Variants in GRID2 observed in about 807,000 individuals in gnomAD.
The protein encoded by GRID2 is glutamate receptor ionotropic, delta-2.
A neutral mutation model predicts 114.8 loss-of-function variants in GRID2; 33 were observed. That is an observed-to-expected ratio of 0.29 (90% CI 0.22 to 0.38). The LOEUF (loss-of-function observed/expected upper bound fraction) is 0.38. Among genes scored for constraint, GRID2 ranks in the 10% least tolerant of loss-of-function variants. The pLI, the probability that GRID2 is intolerant of heterozygous loss-of-function variation, is 1.00. For synonymous variants in GRID2, 505 were observed against 449.9 expected (o/e 1.12, Z -1.55); for missense variants, 1,184 against 1,257.7 (o/e 0.94, Z 0.89).
At position 93,614,183 on chromosome 4, in the gene GRID2, G is replaced by A. The variant is rs561366322; in HGVS notation, c.2194-12086G>A. ...CCCTGCTTCAGCTCGCGCACGGTGC[G>A]TGCACCCACTGGCCTGCGCCCACTG... On this transcript the variant is annotated intron_variant, in intron 13 of 15. Transcript: ENST00000282020. Among the ~76,000 whole-genome samples the A allele has an allele frequency of 3.5e-3, 531 of 152,272 alleles. 5 individuals carry two copies. The highest frequency in any genetic ancestry group is 0.011 in the African/African-American group (471 of 41,564).
At chr4:93,222,113 C>T (rs552265358) in intron 6 of GRID2, among the ~76,000 whole-genome samples, 1 of 151,986 alleles carries the variant, frequency 6.6e-6, no homozygotes, top group Non-Finnish European at 1.5e-5. Context: ...CAAATATGTG[C>T]GAGGCTCTAG....
intron 14 of GRID2, among the ~76,000 whole-genome samples, chr4:93,698,190 A>C (rs1014285188): frequency 6.6e-6 from 1 of 151,996 alleles, no homozygotes; most frequent in Non-Finnish European, 1.5e-5. Context: ...AAATTATAGA[A>C]ATCGCTGTGA....
chr4:92,720,533 A>C (rs560809070), intron 2 of GRID2, among the ~76,000 whole-genome samples: 1 of 151,636 alleles, frequency 6.6e-6, no homozygotes, highest in East Asian at 1.9e-4. Flanking sequence ...ACTCCATCTC[A>C]AATAAATAAA....
chr4:92,381,983 C>CT (rs1729641184), intron 1 of GRID2, among the ~76,000 whole-genome samples: 1 of 151,546 alleles, frequency 6.6e-6, no homozygotes. Flanking sequence ...ATTTTTCCCC[C>CT]TAAGTGGAAA....
chr4:92,871,221 T>C (rs539791373), intron 2 of GRID2, among the ~76,000 whole-genome samples: 176 of 152,244 alleles, frequency 1.2e-3, no homozygotes, highest in Admixed American at 2.4e-3. Context: ...ATTTTTTTGT[T>C]TTATAATTGT....
intron 4 of GRID2, among the ~76,000 whole-genome samples, chr4:93,146,861 A>T (rs183382475): frequency 6.6e-6 from 1 of 152,300 alleles, no homozygotes; most frequent in East Asian, 1.9e-4. Context: ...TTGCTCACTT[A>T]AAAAATATTG....
intron 14 of GRID2, among the ~76,000 whole-genome samples, chr4:93,652,758 T>C (rs1464167837): frequency 1.8e-5 from 2 of 111,890 alleles, no homozygotes; most frequent in Admixed American, 1.2e-4. Flanking sequence ...ATACAGTCGA[T>C]GAATGACAGT....
intron 2 of GRID2, among the ~76,000 whole-genome samples, chr4:93,000,945 CTAAAA>C (rs1334471941): frequency 3.3e-5 from 5 of 150,482 alleles, no homozygotes; most frequent in South Asian, 2.1e-4. Flanking sequence ...CCCTGTGAAT[CTAAAA>C]TAAAATAAAA....
chr4:92,692,440 T>TA (rs899593205), intron 2 of GRID2, among the ~76,000 whole-genome samples: 3 of 152,218 alleles, frequency 2.0e-5, no homozygotes, highest in Non-Finnish European at 4.4e-5. Context: ...CTCTTATGTT[T>TA]AAAATAGATA....
chr4:93,409,596 G>A (rs1766900451), intron 9 of GRID2, among the ~76,000 whole-genome samples: 1 of 152,070 alleles, frequency 6.6e-6, no homozygotes, highest in Admixed American at 6.6e-5. Context: ...GAAAGCAACA[G>A]GCACACACAC....
chr4:92,714,969 G>A (rs1192096933), intron 2 of GRID2, among the ~76,000 whole-genome samples: 5 of 152,190 alleles, frequency 3.3e-5, no homozygotes, highest in African/African-American at 4.8e-5. Context: ...GCACACTTCT[G>A]CAGCCAACTT....
chr4:92,621,399 TTTAAAA>T lies in GRID2; in HGVS notation c.244+31120_244+31125del, dbSNP rs147046008. Among the ~76,000 whole-genome samples, 750 of 151,878 alleles carry T rather than the reference TTTAAAA, an allele frequency of 4.9e-3. 8 individuals are homozygous for T. Among genetic ancestry groups the T allele is most frequent in the African/African-American group, 0.017 (701 of 41,494 alleles). On this transcript the variant is annotated intron_variant, in intron 2 of 15. Coordinates refer to ENST00000282020, the MANE Select transcript of GRID2 (RefSeq NM_001510.4). ...TATTTACATTTTGTGGGAAAAAAAG[TTTAAAA>T]TTAAAAGATGAACCAGTGCAAAATA...
At chr4:92,620,803 G>C (rs1274713816) in intron 2 of GRID2, among the ~76,000 whole-genome samples, 1 of 150,804 alleles carries the variant, frequency 6.6e-6, no homozygotes, top group Non-Finnish European at 1.5e-5. Context: ...GGGGTGGGGG[G>C]AGTGGGGAGG....
In GRID2 at chr4:92,986,555, C is replaced by T. The variant is rs114028307; in HGVS notation, c.245-98440C>T. Among the ~76,000 whole-genome samples the T allele has an allele frequency of 4.9e-3, 739 of 152,202 alleles. 7 individuals carry two copies. Among genetic ancestry groups the T allele is most frequent in the African/African-American group, 0.017 (710 of 41,526 alleles). ...ACCCTAGAAAACTACTTTGGTAGCA[C>T]ACCACTGGCGAATAGTGTAGCAATG... On this transcript the variant is annotated intron_variant, in intron 2 of 15. Coordinates refer to ENST00000282020, the MANE Select transcript of GRID2 (RefSeq NM_001510.4).
chr4:92,758,915 G>A (rs1345009203), intron 2 of GRID2, among the ~76,000 whole-genome samples: 1 of 152,090 alleles, frequency 6.6e-6, no homozygotes. Context: ...AGCAGCAAAG[G>A]TTTGGGAAAA....
intron 11 of GRID2, among the ~76,000 whole-genome samples, chr4:93,484,449 T>A (rs1360714329): frequency 6.6e-6 from 1 of 151,860 alleles, no homozygotes; most frequent in East Asian, 1.9e-4. Flanking sequence ...TATTTTATTG[T>A]TTGTGTTCAA....
chr4:92,649,874 T>G (rs1462959679), intron 2 of GRID2, among the ~76,000 whole-genome samples: 1 of 152,012 alleles, frequency 6.6e-6, no homozygotes, highest in Non-Finnish European at 1.5e-5. Flanking sequence ...TGATCTTATG[T>G]CTCTGTAAAC....
intron 2 of GRID2, among the ~76,000 whole-genome samples, chr4:92,974,450 A>G (rs866273203): frequency 6.6e-6 from 1 of 152,160 alleles, no homozygotes; most frequent in Non-Finnish European, 1.5e-5. Flanking sequence ...ATGTCCATCA[A>G]TGATAGACTG....
At chr4:93,167,277 G>A (rs1397199382) in intron 4 of GRID2, among the ~76,000 whole-genome samples, 1 of 152,074 alleles carries the variant, frequency 6.6e-6, no homozygotes, top group Non-Finnish European at 1.5e-5. Context: ...TTGTTTGATG[G>A]CTCCAGTTGT....
Sources: allele counts gnomAD v4.1 joint callset (sites outside exome capture counted in the v4.1 genomes callset), GRCh38; gene constraint gnomAD v4.1.1; transcripts MANE v1.5; gene names NCBI Gene and HGNC (gene_info 2026-07-23, HGNC 2026-07-21).